TRPM1: variants seen among roughly 807,000 people sequenced by gnomAD.
TRPM1 encodes transient receptor potential cation channel subfamily M member 1, also known as TRPM1-203 APA Isoform, Intron 10.
TRPM1 carries 113 observed loss-of-function variants against 149.4 expected under a neutral mutation model. That is an observed-to-expected ratio of 0.76 (90% confidence interval 0.65 to 0.88). The LOEUF (loss-of-function observed/expected upper bound fraction) is 0.88. Among genes scored for constraint, TRPM1 ranks in the 40% least tolerant of loss-of-function variants. The probability of loss-of-function intolerance (pLI) is 0.00; values close to 1 mark genes in which losing one functional copy is unlikely to be tolerated. For missense variants in TRPM1, 1,976 were observed against 2,038.7 expected (o/e 0.97, Z 0.59); for synonymous variants, 741 against 759.5 (o/e 0.98, Z 0.40).
intron 1 of TRPM1, among the ~76,000 whole-genome samples, chr15:31,113,214 A>C (rs1391973994): frequency 7.2e-5 from 11 of 152,096 alleles, no homozygotes; most frequent in African/African-American, 2.7e-4. Context: ...AACTCACAGG[A>C]GTGAATCTCC....
intron 1 of TRPM1, among the ~76,000 whole-genome samples, chr15:31,118,222 C>T (rs1000085033): frequency 2.0e-5 from 3 of 152,138 alleles, no homozygotes; most frequent in Admixed American, 6.5e-5. Context: ...TGCACCACTG[C>T]ACTCCAGCCT....
intron 18 of TRPM1, among the ~76,000 whole-genome samples, chr15:31,038,689 G>T (rs1460676810): frequency 6.6e-6 from 1 of 152,152 alleles, no homozygotes; most frequent in Non-Finnish European, 1.5e-5. Context: ...TCCAGCCTGG[G>T]TGACAGAGCA....
intron 8 of TRPM1, 29 bp from the exon 9 acceptor site, chr15:31,062,731 A>G (rs2034267514): frequency 6.2e-7 from 1 of 1,612,396 alleles, no homozygotes; most frequent in South Asian, 1.1e-5. Flanking sequence ...AGAGAACAAA[A>G]CAAGGCAAGT....
Position 31,109,390 on chromosome 15 carries a change from G to GAAA in TRPM1, c.55-32409_55-32407dup, listed in dbSNP as rs2035653222. ...AAAAGAAAAAGAAAAGAAGAGAAAA[G>GAAA]AAAAAAGAAAAAATAGAAAGAAGAG... On this transcript the variant is annotated intron_variant, in intron 1 of 26. Transcript: ENST00000542188. Among the ~76,000 whole-genome samples, 3 of 116,576 alleles carry GAAA rather than the reference G, an allele frequency of 2.6e-5. No homozygotes were observed. The South Asian group carries it at 9.6e-4, about 37-fold the overall frequency. The allele number at this position is 116,576 out of a possible 152,430, so 76.5% of individuals were successfully genotyped here. A position where few individuals can be genotyped will look rare whatever the true frequency, so the allele number is the denominator to read the frequency against.
upstream of TRPM1, among the ~76,000 whole-genome samples, chr15:31,103,551 G>T (rs1026985244): frequency 6.6e-6 from 1 of 152,056 alleles, no homozygotes; most frequent in Non-Finnish European, 1.5e-5. Flanking sequence ...CCCAGCTCAC[G>T]CCTGCAATTC....
intron 27 of TRPM1, among the ~76,000 whole-genome samples, chr15:31,018,754 C>T (rs759748891): frequency 3.9e-5 from 6 of 152,236 alleles, no homozygotes; most frequent in Non-Finnish European, 7.3e-5. Context: ...CAAACTCCGC[C>T]TCTCCGGTTC....
At position 31,081,388 on chromosome 15, in the gene TRPM1, C is replaced by A. The variant is rs1421507844; in HGVS notation, c.-33G>T. The A allele has an allele frequency of 6.5e-7, 1 of 1,534,920 alleles. No homozygotes were observed. Among genetic ancestry groups the A allele is most frequent in the Non-Finnish European group, 8.7e-7 (1 of 1,146,620 alleles). On this transcript the variant is annotated 5_prime_UTR_variant, in exon 2 of 28. The change creates a new upstream start codon in the 5' untranslated region. Transcript: ENST00000256552. ...CAAAAAGTTGATATAAGGAAATAGC[C>A]TCAGTCCAGCACTGCAAGTTACTGC...
Position 31,149,681 on chromosome 15 carries a change from G to A in TRPM1, c.54+11225C>T, listed in dbSNP as rs992629236. Among the ~76,000 whole-genome samples, 36 of 152,084 alleles carry A rather than the reference G, an allele frequency of 2.4e-4. 1 individual carries two copies. Among genetic ancestry groups the A allele is most frequent in the Non-Finnish European group, 1.3e-4 (9 of 68,002 alleles). ...ACTACAAGCACCCGCCACCGCGCCT[G>A]GCTAATTTTTTGTATTTTTAGTAGA... On this transcript the variant is annotated intron_variant, in intron 1 of 26. Transcript: ENST00000542188.
exon 1 of TRPM1, chr15:31,161,052 G>GAGCCACACACTCGGCGGC (rs1326452909): frequency 7.8e-7 from 1 of 1,286,546 alleles, no homozygotes; most frequent in Middle Eastern, 2.0e-4. Flanking sequence ...GGCAGGAGCG[G>GAGCCACACACTCGGCGGC]AGCCACACAC....
intron 24 of TRPM1, among the ~76,000 whole-genome samples, chr15:31,028,949 T>C (rs571852519): frequency 5.9e-5 from 9 of 152,314 alleles, no homozygotes; most frequent in Non-Finnish European, 1.0e-4. Context: ...TTGAAAGTCA[T>C]TGTGGCTTCT....
chr15:31,070,133 A>T lies in TRPM1; in HGVS notation c.177T>A (p.Thr59=), dbSNP rs748316199. ...TGGCAACAGACCATTTCTCAGGCTGAGTCTCCACCTGTTTGCTTTCCTCTT... is the reference window on the plus strand; with the variant it reads ...TGGCAACAGACCATTTCTCAGGCTGTGTCTCCACCTGTTTGCTTTCCTCTT... The part of the protein sequence containing the change: ...KNEEESKQVE[T]QPEKWSVAKH... The change falls in exon 4 of 28, where the codon ACT becomes ACA. Residue 59 remains threonine, a synonymous_variant. Transcript: ENST00000256552. The T allele has an allele frequency of 1.9e-6, 3 of 1,614,072 alleles. No homozygotes were observed. In the African/African-American group the frequency reaches 4.0e-5, roughly 22 times the overall value.
Position 31,069,653 on chromosome 15 carries a change from G to C in TRPM1, c.279+378C>G, listed in dbSNP as rs936385755. The C allele has an allele frequency of 2.9e-6, 4 of 1,372,306 alleles. No homozygotes were observed. In the African/African-American group the frequency reaches 5.8e-5, roughly 20 times the overall value. The allele number at this position is 1,372,306 out of a possible 1,614,324, so 85.0% of individuals were successfully genotyped here. On this transcript the variant is annotated intron_variant, in intron 4 of 27. Coordinates refer to ENST00000256552, the MANE Select transcript of TRPM1 (RefSeq NM_001252024.2). ...GGGAAGCTGTGGACAGACCTCAGAG[G>C]AAAATATTTCCAAAGACTCTCAACA...
chr15:31,103,048 G>A (rs2141017174), upstream of TRPM1, among the ~76,000 whole-genome samples: 1 of 152,332 alleles, frequency 6.6e-6, no homozygotes, highest in South Asian at 2.1e-4. Flanking sequence ...TGGGAGCAGT[G>A]GGGAAAGACC....
At chr15:31,103,343 G>A (rs2035552423), upstream of TRPM1, among the ~76,000 whole-genome samples, 1 of 152,214 alleles carries the variant, frequency 6.6e-6, no homozygotes, top group African/African-American at 2.4e-5. Context: ...GCGTGGCTAT[G>A]GAGTGCTGGA....
At chr15:31,094,596 A>C (rs1462558952) in intron 1 of TRPM1, among the ~76,000 whole-genome samples, 1 of 152,258 alleles carries the variant, frequency 6.6e-6, no homozygotes, top group Non-Finnish European at 1.5e-5. Context: ...ACAAATGGCC[A>C]ACAAACACAT....
Position 31,100,144 on chromosome 15 carries a change from G to A in TRPM1, c.-84+1513C>T, listed in dbSNP as rs575598125. ...GCCCAGGCTGGAGTGCAGTGGCGCA[G>A]TCTCGGCTCACTGCAACCTCCACCT... On this transcript the variant is annotated intron_variant, in intron 1 of 27. Transcript: ENST00000256552. 6.0e-4 allele frequency among the ~76,000 whole-genome samples: 90 copies of A among 150,294 alleles called. 1 individual carries two copies. The highest frequency in any genetic ancestry group is 2.0e-3 in the African/African-American group (83 of 40,850).
intron 4 of TRPM1, chr15:31,069,553 G>A: frequency 1.7e-6 from 2 of 1,182,234 alleles, no homozygotes; most frequent in Non-Finnish European, 2.1e-6. Context: ...TCACTGGAAG[G>A]GCAGAGGGCA....
intron 18 of TRPM1, among the ~76,000 whole-genome samples, chr15:31,039,068 G>C (rs1316806694): frequency 7.0e-6 from 1 of 143,486 alleles, no homozygotes; most frequent in Non-Finnish European, 1.5e-5. Context: ...TGTATAGTTT[G>C]AGTCTTTGCC....
rs1490428125 is a variant in TRPM1, at chr15:31,071,979, ACATATATATATATATATATAT to A, written c.84-1774_84-1754del. 2.0e-3 allele frequency among the ~76,000 whole-genome samples: 171 copies of A among 83,620 alleles called. 3 individuals carry two copies. Among genetic ancestry groups the A allele is most frequent in the South Asian group, 0.016 (37 of 2,284 alleles). 54.9% of individuals were successfully genotyped at this position (83,620 alleles called of 152,430 possible). ...ACTCCGTCTCAAAAAAAAAAAAAAA[ACATATATATATATATATATAT>A]ATATATATATATATATATAGAGAGA... On this transcript the variant is annotated intron_variant, in intron 3 of 27. Transcript: ENST00000256552.
Sources: allele counts gnomAD v4.1 joint callset (sites outside exome capture counted in the v4.1 genomes callset), GRCh38; gene constraint gnomAD v4.1.1; transcripts MANE v1.5; gene names NCBI Gene and HGNC (gene_info 2026-07-23, HGNC 2026-07-21).